Variants in PALM2AKAP2 observed in about 807,000 individuals in gnomAD.
PALM2AKAP2 encodes PALM2 and AKAP2 fusion, also known as PALM2-AKAP2 fusion protein.
In PALM2AKAP2, 37 loss-of-function variants were observed where a neutral mutation model predicts 71.5. The ratio of observed to expected loss-of-function variants is 0.52; its 90% CI spans 0.40 to 0.68. The LOEUF (loss-of-function observed/expected upper bound fraction) is 0.68. Among genes scored for constraint, PALM2AKAP2 ranks in the 30% least tolerant of loss-of-function variants. The pLI is 0.00. For missense variants in PALM2AKAP2, 1,224 were observed against 1,191.8 expected, an observed-to-expected ratio of 1.03 and a Z score of -0.40; for synonymous variants, 468 against 478.8, an observed-to-expected ratio of 0.98 and a Z score of 0.29.
chr9:109,730,833 TCAAG>T (rs1348337771), intron 1 of PALM2AKAP2, among the ~76,000 whole-genome samples: 3 of 152,068 alleles, frequency 2.0e-5, no homozygotes, highest in Non-Finnish European at 4.4e-5. Context: ...TATTCCCTAC[TCAAG>T]CAAGGGTGGA....
chr9:109,920,078 G>A (rs995736782), intron 3 of PALM2AKAP2, among the ~76,000 whole-genome samples: 3 of 152,170 alleles, frequency 2.0e-5, no homozygotes, highest in Non-Finnish European at 4.4e-5. Flanking sequence ...GGCTGAAGGG[G>A]CAGCAGCTGC....
intron 1 of PALM2AKAP2, among the ~76,000 whole-genome samples, chr9:109,854,791 AG>A (rs1829115744): frequency 9.3e-5 from 1 of 10,802 alleles, no homozygotes; most frequent in Non-Finnish European, 2.2e-4. Flanking sequence ...TTTTTTTTTT[AG>A]ATGGAGTCTT....
intron 3 of PALM2AKAP2, among the ~76,000 whole-genome samples, chr9:110,163,523 G>A (rs1350033708): frequency 1.3e-5 from 2 of 152,092 alleles, no homozygotes; most frequent in African/African-American, 4.8e-5. Flanking sequence ...CTATTTTTGA[G>A]CTTGTTGTTC....
intron 3 of PALM2AKAP2, among the ~76,000 whole-genome samples, chr9:109,889,578 A>C (rs771349249): frequency 1.3e-5 from 2 of 152,176 alleles, no homozygotes; most frequent in African/African-American, 2.4e-5. Flanking sequence ...CACTGACTGA[A>C]AAAATCTAGA....
chr9:109,724,260 A>G (rs1024506799), intron 1 of PALM2AKAP2, among the ~76,000 whole-genome samples: 45 of 152,220 alleles, frequency 3.0e-4, no homozygotes, highest in Non-Finnish European at 6.5e-4. Flanking sequence ...AATAAAGGGA[A>G]ACATCATGTT....
chr9:109,770,275 T>A (rs12554397), intron 1 of PALM2AKAP2, among the ~76,000 whole-genome samples: 43,395 of 151,862 alleles, frequency 0.29, 7,782 homozygotes, highest in African/African-American at 0.48. Context: ...TTTTTTTTTT[T>A]AACCAGGAGT....
At chr9:110,045,980 T>G (rs1320962672), upstream of PALM2AKAP2, among the ~76,000 whole-genome samples, 1 of 152,206 alleles carries the variant, frequency 6.6e-6, no homozygotes, top group African/African-American at 2.4e-5. Flanking sequence ...TCAATAATTC[T>G]TTGTTGGTGG....
At chr9:109,800,676 T>A (rs1827402189) in intron 1 of PALM2AKAP2, among the ~76,000 whole-genome samples, 2 of 152,228 alleles carry the variant, frequency 1.3e-5, no homozygotes, top group Non-Finnish European at 2.9e-5. Context: ...CGTCTACCTG[T>A]CATCTTAGCT....
At chr9:110,092,681 A>G (rs1834740554) in intron 1 of PALM2AKAP2, among the ~76,000 whole-genome samples, 1 of 152,186 alleles carries the variant, frequency 6.6e-6, no homozygotes, top group African/African-American at 2.4e-5. Flanking sequence ...TGAAAGGTAA[A>G]GGTACAGGGA....
chr9:109,822,427 G>C (rs1232788303), intron 1 of PALM2AKAP2, among the ~76,000 whole-genome samples: 4 of 151,902 alleles, frequency 2.6e-5, no homozygotes, highest in Non-Finnish European at 5.9e-5. Flanking sequence ...TTCTTATATG[G>C]GTAAATTGCA....
At chr9:109,651,544 A>G (rs1359516196) in intron 1 of PALM2AKAP2, among the ~76,000 whole-genome samples, 1 of 152,208 alleles carries the variant, frequency 6.6e-6, no homozygotes, top group African/African-American at 2.4e-5. Flanking sequence ...CCTAGCTCAC[A>G]CAGCATGTGA....
At chr9:109,778,810 C>T (rs1228238395), upstream of PALM2AKAP2, among the ~76,000 whole-genome samples, 2 of 147,208 alleles carry the variant, frequency 1.4e-5, no homozygotes, top group African/African-American at 2.5e-5. Context: ...CTCTTGTTGC[C>T]CAGGCTGGAG....
intron 1 of PALM2AKAP2, among the ~76,000 whole-genome samples, chr9:109,765,921 T>C (rs889193331): frequency 5.3e-5 from 8 of 152,200 alleles, no homozygotes; most frequent in South Asian, 2.1e-4. Flanking sequence ...ATCAACCCAG[T>C]GACCAATTGT....
At chr9:109,955,189 A>G (rs189651962) in intron 6 of PALM2AKAP2, among the ~76,000 whole-genome samples, 40 of 152,326 alleles carry the variant, frequency 2.6e-4, no homozygotes, top group African/African-American at 9.1e-4. Flanking sequence ...AGATAACAGC[A>G]GACTCAGAAC....
intron 3 of PALM2AKAP2, among the ~76,000 whole-genome samples, chr9:109,883,925 G>A (rs937474952): frequency 2.0e-5 from 3 of 152,186 alleles, no homozygotes; most frequent in South Asian, 2.1e-4. Flanking sequence ...AGAGGGCTGA[G>A]CAGAAACAAG....
chr9:110,104,489 C>T (rs773481530), intron 1 of PALM2AKAP2, among the ~76,000 whole-genome samples: 4 of 152,120 alleles, frequency 2.6e-5, no homozygotes, highest in Non-Finnish European at 4.4e-5. Context: ...CTGGAGACCT[C>T]GTCTTATCAA....
chr9:109,683,998 G>A (rs1827775023), intron 1 of PALM2AKAP2, among the ~76,000 whole-genome samples: 1 of 152,026 alleles, frequency 6.6e-6, no homozygotes. Flanking sequence ...GCTTAGCATG[G>A]GTCCTGGAAC....
chr9:110,001,565 C>T (rs1337718464), intron 6 of PALM2AKAP2, among the ~76,000 whole-genome samples: 1 of 152,108 alleles, frequency 6.6e-6, no homozygotes, highest in Non-Finnish European at 1.5e-5. Flanking sequence ...TCATTGGTAG[C>T]TTGAGGGGGA....
chr9:109,810,989 G>A (rs1680419526), intron 1 of PALM2AKAP2, among the ~76,000 whole-genome samples: 1 of 152,144 alleles, frequency 6.6e-6, no homozygotes, highest in African/African-American at 2.4e-5. Context: ...CAGCTGGCAG[G>A]GAGGAAGGGG....
Sources: gnomAD v4.1 joint callset for allele counts (sites outside exome capture counted in the v4.1 genomes callset) on GRCh38, gnomAD v4.1.1 for gene constraint, MANE v1.5 for transcripts, NCBI Gene and HGNC (gene_info 2026-07-23, HGNC 2026-07-21) for gene names.